NEURL1: variants seen among roughly 807,000 people sequenced by gnomAD.
NEURL1 encodes neuralized E3 ubiquitin protein ligase 1, also known as E3 ubiquitin-protein ligase NEURL1.
In NEURL1, 26 loss-of-function variants were observed where a neutral mutation model predicts 41.2. The ratio of observed to expected loss-of-function variants is 0.63; its 90% CI spans 0.46 to 0.87. NEURL1 has a LOEUF of 0.87. NEURL1 is among the 40% of genes least tolerant of loss of function. The probability of loss-of-function intolerance (pLI) is 0.00; values close to 1 mark genes in which losing one functional copy is unlikely to be tolerated. For synonymous variants in NEURL1, 400 were observed against 402.3 expected, an observed-to-expected ratio of 0.99 and a Z score of 0.07; for missense variants, 761 against 871.1, an observed-to-expected ratio of 0.87 and a Z score of 1.59.
chr10:103,560,746 A>G (rs771341745), intron 1 of NEURL1, among the ~76,000 whole-genome samples: 11 of 152,104 alleles, frequency 7.2e-5, no homozygotes, highest in Admixed American at 2.6e-4. Flanking sequence ...CCCGTGGAGG[A>G]ACCTCTGCAC....
Position 103,584,728 on chromosome 10 carries a change from A to C in NEURL1, c.842A>C (p.Gln281Pro). ...CPIPQNSLNS[Q>P]HSRALPAQLD... ...ATCCCGCAGAACTCACTCAACTCGC[A>C]GCACAGCCGCGCGCTGCCGGCGCAG... Residue 281 changes from glutamine to proline, a missense_variant, in exon 4 of 6, where the codon CAG (glutamine) becomes CCG (proline). Gln to Pro is a moderately conservative substitution (Grantham distance 76). This residue lies in a region of NEURL1 where 443 missense variants were observed against 408.1 expected (regional missense o/e 1.09). Transcript: ENST00000369780. 1.4e-6 allele frequency: 2 copies of C among 1,466,128 alleles called. No individual in the cohort carries two copies. Among genetic ancestry groups the C allele is most frequent in the Non-Finnish European group, 1.8e-6 (2 of 1,114,588 alleles). 90.8% of individuals were successfully genotyped at this position (1,466,128 alleles called of 1,614,324 possible).
intron 1 of NEURL1, among the ~76,000 whole-genome samples, chr10:103,537,859 G>A (rs1324236382): frequency 2.0e-5 from 3 of 152,058 alleles, no homozygotes; most frequent in Non-Finnish European, 2.9e-5. Flanking sequence ...ACCCTCACAA[G>A]TTCCCTTGTG....
chr10:103,530,018 G>A (rs1198977956), intron 1 of NEURL1, among the ~76,000 whole-genome samples: 1 of 152,166 alleles, frequency 6.6e-6, no homozygotes, highest in African/African-American at 2.4e-5. Flanking sequence ...AGCCAGAGCA[G>A]CCTCTGTGGT....
intron 3 of NEURL1, among the ~76,000 whole-genome samples, chr10:103,576,246 C>T (rs561595183): frequency 2.0e-5 from 3 of 152,210 alleles, no homozygotes; most frequent in African/African-American, 4.8e-5. Context: ...CTGTAGGAGA[C>T]AAGTTTTAAG....
intron 1 of NEURL1, among the ~76,000 whole-genome samples, chr10:103,516,406 A>G (rs2034208191): frequency 6.6e-6 from 1 of 150,512 alleles, no homozygotes; most frequent in African/African-American, 2.5e-5. Flanking sequence ...CGGGGGTTGG[A>G]GGGAAAGATG....
At chr10:103,495,580 C>T (rs1397330095) in intron 1 of NEURL1, among the ~76,000 whole-genome samples, 4 of 152,158 alleles carry the variant, frequency 2.6e-5, no homozygotes, top group Admixed American at 6.5e-5. Context: ...CAGACCTCGG[C>T]GCTAGGTGCT....
Position 103,540,494 on chromosome 10 carries a change from C to T in NEURL1, c.86-30378C>T, listed in dbSNP as rs986851717. 1.1e-4 allele frequency among the ~76,000 whole-genome samples: 16 copies of T among 152,074 alleles called. No homozygotes were observed. In the South Asian group the frequency reaches 2.7e-3, roughly 26 times the overall value. Reference sequence around the variant, plus strand: ...TAGTACAGACAGGGTTTCACCATGTCGGCCAGGCTGGTCTCGAACTCCTGT... The same window carrying T: ...TAGTACAGACAGGGTTTCACCATGTTGGCCAGGCTGGTCTCGAACTCCTGT... On this transcript the variant is annotated intron_variant, in intron 1 of 5. Coordinates refer to ENST00000369780, the MANE Select transcript of NEURL1 (RefSeq NM_004210.5).
chr10:103,579,125 C>T (rs1400417086), intron 3 of NEURL1, among the ~76,000 whole-genome samples: 1 of 152,248 alleles, frequency 6.6e-6, no homozygotes, highest in Non-Finnish European at 1.5e-5. Context: ...CTGCTGGCAG[C>T]GTATGGCAGG....
intron 1 of NEURL1, among the ~76,000 whole-genome samples, chr10:103,561,697 A>C (rs953295473): frequency 6.6e-6 from 1 of 152,240 alleles, no homozygotes; most frequent in Non-Finnish European, 1.5e-5. Context: ...GGCTGTTCCC[A>C]TAGACACCTG....
In NEURL1 at chr10:103,551,297, A is replaced by ATTTTT. The variant is rs528332099; in HGVS notation, c.86-19556_86-19552dup. Among the ~76,000 whole-genome samples the ATTTTT allele has an allele frequency of 1.1e-3, 126 of 118,710 alleles. 5 individuals are homozygous for ATTTTT. Among genetic ancestry groups the ATTTTT allele is most frequent in the African/African-American group, 4.2e-3 (116 of 27,480 alleles). The allele number at this position is 118,710 out of a possible 152,430, so 77.9% of individuals were successfully genotyped here. A position where few individuals can be genotyped will look rare whatever the true frequency, so the allele number is the denominator to read the frequency against. ...GTAACAGAATCCTTTGGTCAAATGA[A>ATTTTT]TTTTTTTTTTTTTTTTTTTTTTTGA... is the stretch of plus-strand genomic sequence containing the variant. On this transcript the variant is annotated intron_variant, in intron 1 of 5. Transcript: ENST00000369780.
At chr10:103,514,751 C>T (rs545929973) in intron 1 of NEURL1, among the ~76,000 whole-genome samples, 1 of 152,246 alleles carries the variant, frequency 6.6e-6, no homozygotes, top group South Asian at 2.1e-4. Flanking sequence ...ACTTCAAAAC[C>T]CAGGGACCCT....
At chr10:103,504,766 C>T (rs1457825437) in intron 1 of NEURL1, among the ~76,000 whole-genome samples, 1 of 152,198 alleles carries the variant, frequency 6.6e-6, no homozygotes, top group Non-Finnish European at 1.5e-5. Context: ...TTCTCCACTA[C>T]TTCTTTAATT....
At chr10:103,494,905 G>A (rs1324885244) in intron 1 of NEURL1, among the ~76,000 whole-genome samples, 1 of 152,170 alleles carries the variant, frequency 6.6e-6, no homozygotes, top group Admixed American at 6.5e-5. Context: ...CAATGGGAGG[G>A]TTTTAAAAAT....
intron 1 of NEURL1, among the ~76,000 whole-genome samples, chr10:103,537,387 C>T (rs1179524287): frequency 1.3e-5 from 2 of 151,926 alleles, no homozygotes; most frequent in Non-Finnish European, 2.9e-5. Context: ...TCCCCCTACT[C>T]CCTCCTCTCG....
chr10:103,578,395 C>G (rs1239152890), intron 3 of NEURL1, among the ~76,000 whole-genome samples: 1 of 152,180 alleles, frequency 6.6e-6, no homozygotes, highest in African/African-American at 2.4e-5. Flanking sequence ...ACCATGCAAT[C>G]GAAATTGCTC....
intron 1 of NEURL1, among the ~76,000 whole-genome samples, chr10:103,495,389 C>T (rs978939156): frequency 3.3e-5 from 5 of 152,232 alleles, no homozygotes; most frequent in African/African-American, 1.2e-4. Flanking sequence ...ACTTCCTAAG[C>T]TCCTCAGGTT....
At chr10:103,533,559 T>C (rs967364081) in intron 1 of NEURL1, among the ~76,000 whole-genome samples, 6 of 149,662 alleles carry the variant, frequency 4.0e-5, no homozygotes, top group South Asian at 2.2e-4. Flanking sequence ...TTTTTTGAGA[T>C]GGAGTCTCAC....
intron 1 of NEURL1, among the ~76,000 whole-genome samples, chr10:103,530,729 C>T (rs985458223): frequency 1.2e-4 from 18 of 151,814 alleles, no homozygotes; most frequent in African/African-American, 3.4e-4. Context: ...TTAGTAGAGA[C>T]GGGGTTTCAC....
In NEURL1 at chr10:103,590,482, C is replaced by A; in HGVS notation, c.*110C>A. The A allele has an allele frequency of 1.2e-6, 1 of 827,156 alleles. No homozygotes were observed. The highest frequency in any genetic ancestry group is 1.7e-5 in the African/African-American group (1 of 59,018). 51.2% of individuals were successfully genotyped at this position (827,156 alleles called of 1,614,324 possible). A position where few individuals can be genotyped will look rare whatever the true frequency, so the allele number is the denominator to read the frequency against. On this transcript the variant is annotated 3_prime_UTR_variant, in exon 6 of 6. Transcript: ENST00000369780. ...CTCTTCCTCATTTTGGAAACTTTTC[C>A]TCCTCTATTAAACATGGGAAACTGA...
Sources: allele counts gnomAD v4.1 joint callset (sites outside exome capture counted in the v4.1 genomes callset), GRCh38; gene constraint gnomAD v4.1.1; regional missense constraint gnomAD v4.1.1; transcripts MANE v1.5; gene names NCBI Gene and HGNC (gene_info 2026-07-23, HGNC 2026-07-21).